ZNF184: variants seen among roughly 807,000 people sequenced by gnomAD.
The protein encoded by ZNF184 is zinc finger protein 184.
Under a neutral mutation model 54.4 loss-of-function variants are expected in ZNF184, and 16 were observed. That is an observed-to-expected ratio of 0.29 (90% CI 0.20 to 0.45). ZNF184 has a LOEUF of 0.45. Among genes scored for constraint, ZNF184 ranks in the 20% least tolerant of loss-of-function variants. ZNF184 has a pLI of 1.00. For synonymous variants in ZNF184, 254 were observed against 295.3 expected, an observed-to-expected ratio of 0.86 and a Z score of 1.43; for missense variants, 681 against 888.2, an observed-to-expected ratio of 0.77 and a Z score of 2.97.
At chr6:27,428,075 C>T in the ZNF184 span, among the ~76,000 whole-genome samples, 6 of 152,208 alleles carry the variant, frequency 3.9e-5, no homozygotes, top group Non-Finnish European at 7.3e-5. This position sits in a 1 kb window ranked among gnomAD's most constrained non-coding sequence, Gnocchi z 4.1. Context: ...TATGAGCTCT[C>T]AGCTACAACT....
chr6:27,435,147 A>G, the ZNF184 span, among the ~76,000 whole-genome samples: 1 of 152,158 alleles, frequency 6.6e-6, no homozygotes, highest in East Asian at 1.9e-4. Context: ...TTGAGATACC[A>G]TGTGAATTTT....
At chr6:27,462,298 C>T (rs142926134) in intron 3 of ZNF184, among the ~76,000 whole-genome samples, 7,420 of 151,712 alleles carry the variant, frequency 0.049, 262 homozygotes, top group Non-Finnish European at 0.073. Context: ...CCCAGGTTCA[C>T]GCCATTCTGC....
chr6:27,466,619 T>C (rs1355363069), intron 3 of ZNF184, among the ~76,000 whole-genome samples: 1 of 152,010 alleles, frequency 6.6e-6, no homozygotes, highest in African/African-American at 2.4e-5. Context: ...ATGACAAAAC[T>C]TATCAAATTA....
the ZNF184 span, among the ~76,000 whole-genome samples, chr6:27,435,854 G>A: frequency 6.6e-6 from 1 of 151,350 alleles, no homozygotes; most frequent in Non-Finnish European, 1.5e-5. Flanking sequence ...ACCTTCATAT[G>A]CCTTCAGTCA....
the ZNF184 span, among the ~76,000 whole-genome samples, chr6:27,424,319 A>G: frequency 0.036 from 5,428 of 152,264 alleles, 202 homozygotes; most frequent in African/African-American, 0.094. Context: ...AGCAAGATTT[A>G]TTGCAAAGAG....
the ZNF184 span, among the ~76,000 whole-genome samples, chr6:27,433,565 C>T: frequency 1.3e-5 from 2 of 152,194 alleles, no homozygotes; most frequent in African/African-American, 4.8e-5. Flanking sequence ...ATTCTAGATA[C>T]CTCACCTAAG....
rs1218036259 is a variant in ZNF184, at chr6:27,467,940, C to T, written c.8-20G>A. On this transcript the variant is annotated intron_variant, in intron 2 of 5. Coordinates refer to ENST00000683788, the MANE Select transcript of ZNF184 (RefSeq NM_001318891.2). ...ACAGATCTAGGGGGAGAAGCAGGAG[C>T]CATATGACTTCTGTTCAATTTAGCC... 6.4e-7 allele frequency: 1 copy of T among 1,561,532 alleles called. No homozygotes were observed. Among genetic ancestry groups the T allele is most frequent in the South Asian group, 1.2e-5 (1 of 84,280 alleles).
rs539567877 is a variant in ZNF184 at position 27,451,882 on chromosome 6, C to G, written c.1677G>C (p.Gln559His). 6 of 1,612,282 alleles carry G rather than the reference C, an allele frequency of 3.7e-6. No individual in the cohort carries two copies. The South Asian group carries it at 6.6e-5, about 18-fold the overall frequency. The stretch of plus-strand genomic sequence containing the variant: ...TGAAGGTTTTCCCACATTCATGACA[C>G]TGATAGGGTTTCTCTCCAGTATGAA... ...ERIHTGEKPY[Q>H]CHECGKTFSY... The change falls in exon 6 of 6, where the codon CAG becomes CAC. Residue 559 changes from glutamine (Q) to histidine (H), a missense_variant. Gln to His is a conservative substitution (Grantham distance 24). Coordinates refer to ENST00000683788, the MANE Select transcript of ZNF184 (RefSeq NM_001318891.2).
chr6:27,450,742 TAGA>T (rs1352210171), downstream of ZNF184: 2 of 151,662 alleles, frequency 1.3e-5, no homozygotes, highest in African/African-American at 2.4e-5. Context: ...AAAAACAGAC[TAGA>T]AGAAGAATAA....
the ZNF184 span, among the ~76,000 whole-genome samples, chr6:27,427,626 C>T: frequency 6.6e-6 from 1 of 152,204 alleles, no homozygotes; most frequent in Non-Finnish European, 1.5e-5. Flanking sequence ...CATCTCTGCA[C>T]AGGGCCTTCC....
chr6:27,411,157 C>T, the ZNF184 span, among the ~76,000 whole-genome samples: 969 of 152,256 alleles, frequency 6.4e-3, 12 homozygotes, highest in African/African-American at 0.021. Context: ...TGCCTTGTTG[C>T]ACAACCTCCA....
At chr6:27,413,663 T>C in the ZNF184 span, among the ~76,000 whole-genome samples, 5,428 of 152,310 alleles carry the variant, frequency 0.036, 204 homozygotes, top group African/African-American at 0.094. Flanking sequence ...CTAAAAACCA[T>C]GGACAATTTC....
intron 5 of ZNF184, among the ~76,000 whole-genome samples, chr6:27,455,572 T>C (rs1762833410): frequency 6.6e-6 from 1 of 152,156 alleles, no homozygotes; most frequent in Non-Finnish European, 1.5e-5. Flanking sequence ...TTCTAAAGTA[T>C]GTTCCATGAA....
At chr6:27,444,182 G>A in the ZNF184 span, among the ~76,000 whole-genome samples, 1 of 151,748 alleles carries the variant, frequency 6.6e-6, no homozygotes, top group African/African-American at 2.4e-5. Context: ...TCATTCTCAG[G>A]TTATGATCTA....
chr6:27,471,525 T>C lies in ZNF184; in HGVS notation c.7+763A>G, dbSNP rs182686382. Among the ~76,000 whole-genome samples the C allele has an allele frequency of 9.2e-4, 140 of 152,334 alleles. 1 individual carries two copies. Among genetic ancestry groups the C allele is most frequent in the African/African-American group, 3.1e-3 (130 of 41,572 alleles). ...AGTCAAAGGAAGTAGTACATTATCCTCTCAGGTACTTTTCAAAGCACATCC... is the reference window on the plus strand; with the variant it reads ...AGTCAAAGGAAGTAGTACATTATCCCCTCAGGTACTTTTCAAAGCACATCC... On this transcript the variant is annotated intron_variant, in intron 2 of 5. Coordinates refer to ENST00000683788, the MANE Select transcript of ZNF184 (RefSeq NM_001318891.2).
At chr6:27,471,624 G>C (rs766306538) in intron 2 of ZNF184, among the ~76,000 whole-genome samples, 5 of 152,170 alleles carry the variant, frequency 3.3e-5, no homozygotes, top group Non-Finnish European at 7.3e-5. Context: ...TCAGAGAAAG[G>C]TCTAGATACA....
chr6:27,468,687 T>C (rs1489696364), intron 2 of ZNF184, among the ~76,000 whole-genome samples: 1 of 152,180 alleles, frequency 6.6e-6, no homozygotes, highest in African/African-American at 2.4e-5. Context: ...TTCCAAAATA[T>C]AAGAAAGAGC....
Position 27,456,921 on chromosome 6 carries a change from C to T in ZNF184, c.203G>A (p.Gly68Glu), listed in dbSNP as rs1299010715. The T allele has an allele frequency of 6.2e-7, 1 of 1,613,284 alleles. No individual in the cohort carries two copies. ...LENYTHLVSI[G>E]LQVSKPDVIS... ...CACATCAGGTTTAGAAACTTGGAGT[C>T]CTGTTCATTAGGGAAAAAAAGAAAG... The change falls in exon 5 of 6, where the codon GGA (glycine) becomes GAA (glutamate). Residue 68 changes from glycine (G) to glutamate (E), a missense_variant and splice_region_variant. Transcript: ENST00000683788.
At chr6:27,416,762 C>T in the ZNF184 span, among the ~76,000 whole-genome samples, 1 of 152,150 alleles carries the variant, frequency 6.6e-6, no homozygotes, top group Admixed American at 6.5e-5. Flanking sequence ...ATAAGAGTTT[C>T]ATTATTCACA....
Sources: allele counts gnomAD v4.1 joint callset (sites outside exome capture counted in the v4.1 genomes callset), GRCh38; gene constraint gnomAD v4.1.1; non-coding constraint Gnocchi (gnomAD v3.1); transcripts MANE v1.5; gene names NCBI Gene and HGNC (gene_info 2026-07-23, HGNC 2026-07-21).